The following NIPBL variants were observed in gnomAD, a reference collection of about 807,000 sequenced individuals.
NIPBL encodes nipped-B-like protein.
In NIPBL, 19 loss-of-function variants were observed where a neutral mutation model predicts 321.8. That is an observed-to-expected ratio of 0.06 (90% CI 0.04 to 0.09). The LOEUF is 0.09. Ranked by LOEUF, NIPBL falls within the 10% of genes least tolerant of loss-of-function variation. NIPBL has a pLI of 1.00. For missense variants in NIPBL, 2,210 were observed against 3,327.0 expected (o/e 0.66, Z 8.26); for synonymous variants, 1,106 against 1,114.1 (o/e 0.99, Z 0.14).
intron 1 of NIPBL, among the ~76,000 whole-genome samples, chr5:36,902,089 GT>G (rs536348253): frequency 3.4e-5 from 5 of 146,620 alleles, no homozygotes; most frequent in Non-Finnish European, 3.0e-5. Flanking sequence ...TCCTTTGCCC[GT>G]TTTTTTTTTA....
intron 1 of NIPBL, among the ~76,000 whole-genome samples, chr5:36,898,803 C>A (rs1209641549): frequency 2.0e-5 from 3 of 152,136 alleles, no homozygotes; most frequent in African/African-American, 7.2e-5. Flanking sequence ...ACCACCACAC[C>A]TGGCATGTTT....
intron 1 of NIPBL, among the ~76,000 whole-genome samples, chr5:36,944,255 T>G (rs1739425725): frequency 6.6e-6 from 1 of 152,258 alleles, no homozygotes; most frequent in Middle Eastern, 3.4e-3. Context: ...GAAACGGTAT[T>G]TTTGAATGAG....
In NIPBL at chr5:36,958,175, CAAG is replaced by C; in HGVS notation, c.303_305del (p.Arg102del). On this transcript the variant is annotated inframe_deletion, in exon 4 of 47. Coordinates refer to ENST00000282516, the MANE Select transcript of NIPBL (RefSeq NM_133433.4). ...CCAGTCTTGTTGCAGGCCGTCCTGG[CAAG>C]GAGTCCTAATGTTTTCAGGGAGAAA... 1.2e-6 allele frequency: 2 copies of C among 1,613,882 alleles called. No homozygotes were observed. The highest frequency in any genetic ancestry group is 1.7e-6 in the Non-Finnish European group (2 of 1,179,924).
chr5:36,966,021 C>G (rs1742163780), intron 6 of NIPBL, among the ~76,000 whole-genome samples: 1 of 151,914 alleles, frequency 6.6e-6, no homozygotes, highest in African/African-American at 2.4e-5. Flanking sequence ...CCACTTTGTC[C>G]TTAAGTACAT....
Position 37,052,408 on chromosome 5 carries a change from C to A in NIPBL, c.7105C>A (p.Gln2369Lys), listed in dbSNP as rs1385722453. 1.9e-6 allele frequency: 3 copies of A among 1,614,036 alleles called. No individual in the cohort carries two copies. The highest frequency in any genetic ancestry group is 2.5e-6 in the Non-Finnish European group (3 of 1,179,972). ...TATGAAGATGTCTTACCAGGTACAA[C>A]AGGCAATCAACACATGCCTAAAAGA... The part of the protein sequence containing the change: ...AGMKMSYQVQ[Q>K]AINTCLKDPV... The change falls in exon 42 of 47, where the codon CAG (glutamine) becomes AAG (lysine). Residue 2369 changes from glutamine to lysine, a missense_variant. This residue lies in a region of NIPBL where 112 missense variants were observed against 288.3 expected (regional missense o/e 0.39). Coordinates refer to ENST00000282516, the MANE Select transcript of NIPBL (RefSeq NM_133433.4).
chr5:36,940,669 CAGCT>C (rs1420634006), intron 1 of NIPBL, among the ~76,000 whole-genome samples: 1 of 152,076 alleles, frequency 6.6e-6, no homozygotes, highest in African/African-American at 2.4e-5. Context: ...ATATAAAAAA[CAGCT>C]AGGACTCTGG....
intron 10 of NIPBL, 89 bp from the exon 11 acceptor site, chr5:36,995,533 A>G: frequency 1.2e-6 from 1 of 823,040 alleles, no homozygotes; most frequent in Non-Finnish European, 2.0e-6. Context: ...GAAAACAAAT[A>G]CTAATATTTT....
intron 1 of NIPBL, among the ~76,000 whole-genome samples, chr5:36,884,955 G>A (rs1447143169): frequency 6.6e-6 from 1 of 152,032 alleles, no homozygotes; most frequent in African/African-American, 2.4e-5. Flanking sequence ...TACAGGAAGG[G>A]TTTTTTGTTC....
intron 42 of NIPBL, 104 bp from the exon 43 acceptor site, chr5:37,057,082 C>CT: frequency 9.1e-7 from 1 of 1,093,524 alleles, no homozygotes; most frequent in Middle Eastern, 2.6e-4. Context: ...CTCTGTCTAA[C>CT]ATTAAGTGAG....
chr5:37,042,785 C>A (rs187054063), intron 34 of NIPBL, among the ~76,000 whole-genome samples: 1 of 150,188 alleles, frequency 6.7e-6, no homozygotes, highest in African/African-American at 2.5e-5. Flanking sequence ...AAGATCGCGC[C>A]ACTGCATTCC....
intron 9 of NIPBL, among the ~76,000 whole-genome samples, chr5:36,982,862 T>C (rs1341780901): frequency 6.6e-6 from 1 of 151,942 alleles, no homozygotes; most frequent in East Asian, 1.9e-4. Context: ...TATGTCGTTG[T>C]GTATCTTAAG....
At chr5:36,995,522 A>C (rs1041902830) in intron 10 of NIPBL, 100 bp from the exon 11 acceptor site, 12 of 773,888 alleles carry the variant, frequency 1.6e-5, no homozygotes, top group Admixed American at 5.0e-5. Context: ...CAGTTGATTT[A>C]GAAAACAAAT....
rs79133373 is a variant in NIPBL, at chr5:37,056,987, T to C, written c.7264-199T>C. On this transcript the variant is annotated intron_variant, in intron 42 of 46. Transcript: ENST00000282516. ...TGTTACACCTGTCTCCCTTTCCCTT[T>C]TTCCCCCCTCTATATTTCTCTCCCT... Among the ~76,000 whole-genome samples, 374 of 152,046 alleles carry C rather than the reference T, an allele frequency of 2.5e-3. 10 individuals are homozygous for C. In the East Asian group the frequency reaches 0.042, roughly 17 times the overall value.
At chr5:36,972,166 T>A (rs1742923918) in intron 8 of NIPBL, 125 bp downstream of exon 8, 4 of 676,660 alleles carry the variant, frequency 5.9e-6, no homozygotes, top group Middle Eastern at 3.5e-4. Context: ...GAAAAAAAAA[T>A]AAACCTGTAC....
intron 1 of NIPBL, among the ~76,000 whole-genome samples, chr5:36,929,650 C>T (rs977403329): frequency 6.6e-6 from 1 of 152,034 alleles, no homozygotes; most frequent in Non-Finnish European, 1.5e-5. Context: ...AAGAACTCTG[C>T]CTGACCTAAG....
rs146224975 is a variant in NIPBL at position 36,938,590 on chromosome 5, A to G, written c.-79-15028A>G. Among the ~76,000 whole-genome samples, 472 of 152,346 alleles carry G rather than the reference A, an allele frequency of 3.1e-3. 2 individuals are homozygous for G. The highest frequency in any genetic ancestry group is 0.011 in the African/African-American group (452 of 41,588). ...AATTGTTCTGCAAAGTTTCTAAATC[A>G]GCTAGTTTGAACATTAAACTTTGTT... is the stretch of plus-strand genomic sequence containing the variant. On this transcript the variant is annotated intron_variant, in intron 1 of 46. Transcript: ENST00000282516.
chr5:36,961,505 A>C lies in NIPBL; in HGVS notation c.380A>C (p.Lys127Thr), dbSNP rs1741620399. ...ATAGGAATGATGATGTCTCAGTATA[A>C]ACTTTCTCAGAATTCCATGCACAGT... ...VQSGMMMSQY[K>T]LSQNSMHSSP... Residue 127 changes from lysine to threonine, a missense_variant, in exon 5 of 47, where the codon AAA (lysine) becomes ACA (threonine). Around this residue, in one of 14 missense-constraint regions of NIPBL, gnomAD observed 464 missense variants for 529.5 expected, o/e 0.88. Coordinates refer to ENST00000282516, the MANE Select transcript of NIPBL (RefSeq NM_133433.4). 6.2e-7 allele frequency: 1 copy of C among 1,610,174 alleles called. No homozygotes were observed. Among genetic ancestry groups the C allele is most frequent in the Non-Finnish European group, 8.5e-7 (1 of 1,176,676 alleles).
At chr5:37,050,155 A>G (rs1753378900) in intron 40 of NIPBL, among the ~76,000 whole-genome samples, 1 of 151,846 alleles carries the variant, frequency 6.6e-6, no homozygotes, top group Non-Finnish European at 1.5e-5. Context: ...ATGCCTTTTA[A>G]ACTTTTTTTT....
intron 1 of NIPBL, among the ~76,000 whole-genome samples, chr5:36,892,643 G>A (rs181912798): frequency 1.1e-4 from 16 of 152,200 alleles, no homozygotes; most frequent in East Asian, 5.8e-4. Context: ...TTGTAGGGAC[G>A]TGGATGAAGC....
Sources: allele counts gnomAD v4.1 joint callset (sites outside exome capture counted in the v4.1 genomes callset), GRCh38; gene constraint gnomAD v4.1.1; regional missense constraint gnomAD v4.1.1; transcripts MANE v1.5; gene names NCBI Gene and HGNC (gene_info 2026-07-23, HGNC 2026-07-21).